The following FSTL1 variants were observed in gnomAD, a reference collection of about 807,000 sequenced individuals.
FSTL1 encodes the protein follistatin-related protein 1.
In FSTL1, 24 loss-of-function variants were observed where a neutral mutation model predicts 45.9. The observed-to-expected ratio is 0.52, with a 90% CI of 0.38 to 0.74. The LOEUF is 0.74. Ranked by LOEUF, FSTL1 falls within the 30% of genes least tolerant of loss-of-function variation. FSTL1 has a pLI of 0.00. For synonymous variants in FSTL1, 120 were observed against 137.6 expected (o/e 0.87, Z 0.89); for missense variants, 340 against 381.8 (o/e 0.89, Z 0.91).
chr3:120,399,587 C>T (rs898178714), intron 10 of FSTL1, among the ~76,000 whole-genome samples: 1 of 152,196 alleles, frequency 6.6e-6, no homozygotes, highest in South Asian at 2.1e-4. Context: ...AAACCACGCT[C>T]ATTTGCAAAC....
At chr3:120,420,901 T>C (rs949075323) in intron 2 of FSTL1, among the ~76,000 whole-genome samples, 1 of 152,210 alleles carries the variant, frequency 6.6e-6, no homozygotes, top group Non-Finnish European at 1.5e-5. Flanking sequence ...TCTACCTCTT[T>C]ACAAATCAAA....
chr3:120,403,384 G>A, intron 7 of FSTL1, 30 bp from the exon 8 acceptor site: 1 of 1,300,068 alleles, frequency 7.7e-7, no homozygotes. Context: ...AAATGTGTTA[G>A]CAAGACCTCA....
At chr3:120,415,885 T>A in intron 3 of FSTL1, 38 bp downstream of exon 3, 1 of 1,291,814 alleles carries the variant, frequency 7.7e-7, no homozygotes, top group Non-Finnish European at 1.1e-6. Context: ...CACATTGGCC[T>A]TGGCCACTGT....
intron 7 of FSTL1, 85 bp downstream of exon 7, chr3:120,404,767 CT>C (rs1347910573): frequency 6.5e-6 from 5 of 769,006 alleles, no homozygotes; most frequent in Non-Finnish European, 1.2e-5. Context: ...ACTGGTGGCT[CT>C]TTTGCAGGTG....
intron 2 of FSTL1, among the ~76,000 whole-genome samples, chr3:120,435,960 C>A (rs567539150): frequency 1.3e-5 from 2 of 151,970 alleles, no homozygotes; most frequent in African/African-American, 4.8e-5. Context: ...GGAGGAAAAA[C>A]GCAATTACCT....
intron 2 of FSTL1, chr3:120,419,397 CTGGGAG>C (rs1362302030): frequency 2.6e-5 from 4 of 152,332 alleles, no homozygotes; most frequent in African/African-American, 4.8e-5. Flanking sequence ...CTCATCTTCT[CTGGGAG>C]TGGGAGTGTC....
rs139353913 is a variant in FSTL1, at chr3:120,448,021, T to C, written c.63+2663A>G. Among the ~76,000 whole-genome samples, 687 of 152,366 alleles carry C rather than the reference T, an allele frequency of 4.5e-3. 10 individuals carry two copies. Among genetic ancestry groups the C allele is most frequent in the African/African-American group, 0.015 (643 of 41,584 alleles). ...GATTGACATAGACTGGCATTAATAC[T>C]GATGACAATCACCTTTTCCCAAGTG... On this transcript the variant is annotated intron_variant, in intron 2 of 10. Coordinates refer to ENST00000295633, the MANE Select transcript of FSTL1 (RefSeq NM_007085.5).
chr3:120,438,690 C>G (rs1177358913), intron 2 of FSTL1, among the ~76,000 whole-genome samples: 1 of 152,168 alleles, frequency 6.6e-6, no homozygotes, highest in Non-Finnish European at 1.5e-5. Flanking sequence ...TAGAGCCCAC[C>G]TACTCTAACC....
chr3:120,420,885 A>C (rs905768427), intron 2 of FSTL1, among the ~76,000 whole-genome samples: 1 of 152,212 alleles, frequency 6.6e-6, no homozygotes, highest in Non-Finnish European at 1.5e-5. Flanking sequence ...CTTTCCACTA[A>C]ACCACTCTAC....
At chr3:120,434,025 T>C (rs1937516527) in intron 2 of FSTL1, among the ~76,000 whole-genome samples, 1 of 152,168 alleles carries the variant, frequency 6.6e-6, no homozygotes, top group South Asian at 2.1e-4. Context: ...CATGATCAGA[T>C]ATGTGTTTTA....
Position 120,395,801 on chromosome 3 carries a change from G to T in FSTL1, c.*1151C>A. 1 of 493,456 alleles carries T rather than the reference G, an allele frequency of 2.0e-6. No individual in the cohort carries two copies. The highest frequency in any genetic ancestry group is 4.1e-6 in the Non-Finnish European group (1 of 244,446). The allele number at this position is 493,456 out of a possible 1,614,324, so 30.6% of individuals were successfully genotyped here. The stretch of plus-strand genomic sequence containing the variant: ...TTCTTACCAGCTCACTGAGGAAACT[G>T]AGGTCCAGAAAAAAGAAGAGACAGG... On this transcript the variant is annotated 3_prime_UTR_variant, in exon 11 of 11. Coordinates refer to ENST00000295633, the MANE Select transcript of FSTL1 (RefSeq NM_007085.5).
chr3:120,396,962 T>C lies in FSTL1; in HGVS notation c.917A>G (p.Lys306Arg). Residue 306 changes from lysine (K) to arginine (R), a missense_variant, in exon 11 of 11, where the codon AAA (lysine) becomes AGA (arginine). Transcript: ENST00000295633. ...TAEKTKRVST[K>R]EI Reference sequence around the variant, plus strand: ...GTCTGTGCCTCCTCATTAGATCTCTTTGGTGCTCACTCTCTTGGTCTTTTC... The same window carrying C: ...GTCTGTGCCTCCTCATTAGATCTCTCTGGTGCTCACTCTCTTGGTCTTTTC... 6.2e-7 allele frequency: 1 copy of C among 1,611,648 alleles called. No homozygotes were observed. Among genetic ancestry groups the C allele is most frequent in the Non-Finnish European group, 8.5e-7 (1 of 1,177,686 alleles).
chr3:120,406,078 T>A (rs1228219813), intron 6 of FSTL1, among the ~76,000 whole-genome samples: 1 of 152,108 alleles, frequency 6.6e-6, no homozygotes, highest in Non-Finnish European at 1.5e-5. Flanking sequence ...CTGCTTGCCA[T>A]GTGTCACAGG....
chr3:120,414,254 G>A (rs981987002), intron 3 of FSTL1, among the ~76,000 whole-genome samples: 2 of 152,144 alleles, frequency 1.3e-5, no homozygotes, highest in African/African-American at 4.8e-5. Flanking sequence ...CGTCTGGGAT[G>A]TGAGGAGCCC....
Position 120,394,712 on chromosome 3 carries a change from C to G in FSTL1, c.*2240G>C, listed in dbSNP as rs1390166818. The stretch of plus-strand genomic sequence containing the variant: ...TCCTGTTTGTTTGCTCCATGCAAAA[C>G]TTTATGGAAGACTCCCCAGACTAGG... On this transcript the variant is annotated 3_prime_UTR_variant, in exon 11 of 11. Coordinates refer to ENST00000295633, the MANE Select transcript of FSTL1 (RefSeq NM_007085.5). The G allele has an allele frequency of 6.6e-6, 1 of 152,218 alleles. No homozygotes were observed. Among genetic ancestry groups the G allele is most frequent in the South Asian group, 2.1e-4 (1 of 4,832 alleles). The allele number at this position is 152,218 out of a possible 1,614,324, so 9.4% of individuals were successfully genotyped here.
In FSTL1 at chr3:120,392,589, A is replaced by G. The variant is rs550567365; in HGVS notation, c.*4363T>C. On this transcript the variant is annotated 3_prime_UTR_variant, in exon 11 of 11. Transcript: ENST00000295633. ...CAATTTGGATTTTTACCATGTACACATATTATTTTTTCAGTAAAAAAGTTA... is the reference window on the plus strand; with the variant it reads ...CAATTTGGATTTTTACCATGTACACGTATTATTTTTTCAGTAAAAAAGTTA... The G allele has an allele frequency of 3.9e-5, 6 of 152,326 alleles. No individual in the cohort carries two copies. The South Asian group carries it at 1.2e-3, about 32-fold the overall frequency. 9.4% of individuals were successfully genotyped at this position (152,326 alleles called of 1,614,324 possible).
Position 120,403,246 on chromosome 3 carries a change from C to T in FSTL1, c.690G>A (p.Glu230=). 1 of 1,562,132 alleles carries T rather than the reference C, an allele frequency of 6.4e-7. No homozygotes were observed. Among genetic ancestry groups the T allele is most frequent in the East Asian group, 2.2e-5 (1 of 44,658 alleles). The change falls in exon 8 of 11, where the codon GAG becomes GAA. Residue 230 remains glutamate, a synonymous_variant. Coordinates refer to ENST00000295633, the MANE Select transcript of FSTL1 (RefSeq NM_007085.5). ...KCLNPSFNPP[E]KKCALEDETY... is the part of the protein sequence containing the mutation. Reference sequence around the variant, plus strand: ...TATTTCTTAGGTTAGGCATACTCTTCTCAGGAGGGTTGAAAGATGGGTTGA... The same window carrying T: ...TATTTCTTAGGTTAGGCATACTCTTTTCAGGAGGGTTGAAAGATGGGTTGA...
intron 1 of FSTL1, 61 bp downstream of exon 1, chr3:120,450,836 C>T: frequency 1.1e-6 from 1 of 907,848 alleles, no homozygotes; most frequent in South Asian, 1.8e-5. Context: ...TCGCTCCGGC[C>T]GCCCAAGCAC....
intron 2 of FSTL1, among the ~76,000 whole-genome samples, chr3:120,437,101 G>C (rs1316010510): frequency 6.6e-6 from 1 of 152,212 alleles, no homozygotes; most frequent in Non-Finnish European, 1.5e-5. Context: ...GGTGAGCCAG[G>C]TATATGTGTG....
Sources: gnomAD v4.1 joint callset for allele counts (sites outside exome capture counted in the v4.1 genomes callset) on GRCh38, gnomAD v4.1.1 for gene constraint, MANE v1.5 for transcripts, NCBI Gene and HGNC (gene_info 2026-07-23, HGNC 2026-07-21) for gene names.